The following CCR9 variants were observed in gnomAD, a reference collection of about 807,000 sequenced individuals.
The protein encoded by CCR9 is C-C chemokine receptor type 9.
In CCR9, 4 loss-of-function variants were observed where a neutral mutation model predicts 8.7. The ratio of observed to expected loss-of-function variants is 0.46; its 90% confidence interval spans 0.23 to 1.06. CCR9 has a LOEUF of 1.06. Among genes scored for constraint, CCR9 ranks in the 50% least tolerant of loss-of-function variants. The pLI is 0.21. For missense variants in CCR9, 394 were observed against 453.6 expected, an observed-to-expected ratio of 0.87 and a Z score of 1.19; for synonymous variants, 159 against 168.8, an observed-to-expected ratio of 0.94 and a Z score of 0.45.
At chr3:45,897,667 C>G in intron 2 of CCR9, 1 of 1,431,700 alleles carries the variant, frequency 7.0e-7, no homozygotes, top group Non-Finnish European at 9.4e-7. Context: ...GCTGGCCTTC[C>G]CACCTGCCCC....
At chr3:45,890,670 G>GA (rs1702150009) in intron 1 of CCR9, among the ~76,000 whole-genome samples, 1 of 152,022 alleles carries the variant, frequency 6.6e-6, no homozygotes, top group Non-Finnish European at 1.5e-5. Flanking sequence ...ACTGCCTGGG[G>GA]AAAGTTCTTG....
rs1235889741 is a variant in CCR9, at chr3:45,901,247, A to T, written c.459A>T (p.Arg153Ser). ...ACATTGCCATTGCCCAGGCCATGAG[A>T]GCACATACTTGGAGGGAGAAAAGGC... ...DRYIAIAQAM[R>S]AHTWREKRLL... Residue 153 changes from arginine (R) to serine (S), a missense_variant, in exon 3 of 3, where the codon AGA becomes AGT. Transcript: ENST00000357632. This position sits in a 1 kb window ranked among gnomAD's most constrained non-coding sequence, Gnocchi z 4.3. 1 of 1,614,064 alleles carries T rather than the reference A, an allele frequency of 6.2e-7. No individual in the cohort carries two copies. The highest frequency in any genetic ancestry group is 2.2e-5 in the East Asian group (1 of 44,896).
intron 1 of CCR9, among the ~76,000 whole-genome samples, chr3:45,886,960 C>G (rs143416057): frequency 6.6e-6 from 1 of 152,186 alleles, no homozygotes; most frequent in African/African-American, 2.4e-5. Flanking sequence ...AGATGGTGGC[C>G]AGGGGTAAAG....
chr3:45,899,341 T>C (rs940646993), intron 2 of CCR9, among the ~76,000 whole-genome samples: 1 of 152,170 alleles, frequency 6.6e-6, no homozygotes, highest in African/African-American at 2.4e-5. Flanking sequence ...CTACTAGAAA[T>C]AGATGGATAT....
At chr3:45,887,238 A>G (rs6441931) in intron 1 of CCR9, among the ~76,000 whole-genome samples, 29,597 of 138,048 alleles carry the variant, frequency 0.21, 3,093 homozygotes, top group East Asian at 0.31. Flanking sequence ...CTTTCTATTA[A>G]GTGCGTGTGT....
rs1702607781 is a variant in CCR9 at position 45,903,065 on chromosome 3, A to G, written c.*1167A>G. On this transcript the variant is annotated 3_prime_UTR_variant, in exon 3 of 3. Transcript: ENST00000357632. ...TGCATCACCTTTGAAAATATTTCAC[A>G]TATTGGAAAAGTGCTTTTTAATGTG... 1 of 167,110 alleles carries G rather than the reference A, an allele frequency of 6.0e-6. No homozygotes were observed. Among genetic ancestry groups the G allele is most frequent in the South Asian group, 2.1e-4 (1 of 4,834 alleles). 10.4% of individuals were successfully genotyped at this position (167,110 alleles called of 1,614,324 possible). A position where few individuals can be genotyped will look rare whatever the true frequency, so the allele number is the denominator to read the frequency against.
At chr3:45,892,091 A>T (rs1292596451) in intron 1 of CCR9, among the ~76,000 whole-genome samples, 1 of 152,120 alleles carries the variant, frequency 6.6e-6, no homozygotes, top group African/African-American at 2.4e-5. Flanking sequence ...AGATTCCAAG[A>T]TCAGGGCACT....
rs1702572232 is a variant in CCR9 at position 45,901,870 on chromosome 3, A to T, written c.1082A>T (p.Glu361Val). ...TTGAAGCTGTCGTCTATGTTGCTGG[A>T]GACAACCTCAGGAGCACTCTCCCTC... ...GSLKLSSMLLETTSGALSL is the reference protein window; with the variant it reads ...GSLKLSSMLLVTTSGALSL The change falls in exon 3 of 3, where the codon GAG becomes GTG. Residue 361 changes from glutamate (E) to valine (V), a missense_variant. Transcript: ENST00000357632. This position sits in a 1 kb window ranked among gnomAD's most constrained non-coding sequence, Gnocchi z 4.3. 1.9e-6 allele frequency: 3 copies of T among 1,607,016 alleles called. No homozygotes were observed. The highest frequency in any genetic ancestry group is 2.6e-6 in the Non-Finnish European group (3 of 1,174,702).
chr3:45,898,932 C>A (rs1232398649), intron 2 of CCR9, among the ~76,000 whole-genome samples: 1 of 152,180 alleles, frequency 6.6e-6, no homozygotes, highest in Admixed American at 6.5e-5. Flanking sequence ...CTTTCGGAGG[C>A]CAAAGTGGGT....
Position 45,901,672 on chromosome 3 carries a change from T to G in CCR9, c.884T>G (p.Ile295Ser), listed in dbSNP as rs1175259857. ...FISNCAVSTN[I>S]DICFQVTQTI... ...TCCAACTGTGCCGTTTCCACCAACA[T>G]TGACATCTGCTTCCAGGTCACCCAG... The change falls in exon 3 of 3, where the codon ATT becomes AGT. Residue 295 changes from isoleucine (I) to serine (S), a missense_variant. Physicochemically the swap from Ile to Ser is moderately radical, Grantham distance 142. Transcript: ENST00000357632. The surrounding 1 kb of genome is among the most constrained non-coding windows in gnomAD (Gnocchi z 4.3). 6.2e-7 allele frequency: 1 copy of G among 1,613,880 alleles called. No homozygotes were observed. The highest frequency in any genetic ancestry group is 8.5e-7 in the Non-Finnish European group (1 of 1,179,834).
Position 45,901,836 on chromosome 3 carries a change from G to A in CCR9, c.1048G>A (p.Glu350Lys), listed in dbSNP as rs554786336. ...QAQWVSFTRR[E>K]GSLKLSSMLL... ...CCAGTGGGTTTCATTTACAAGGAGA[G>A]AGGGAAGCTTGAAGCTGTCGTCTAT... The change falls in exon 3 of 3, where the codon GAG (glutamate) becomes AAG (lysine). Residue 350 changes from glutamate to lysine, a missense_variant. Transcript: ENST00000357632. The surrounding 1 kb of genome is among the most constrained non-coding windows in gnomAD (Gnocchi z 4.3). 5 of 1,613,206 alleles carry A rather than the reference G, an allele frequency of 3.1e-6. No individual in the cohort carries two copies. In the African/African-American group the frequency reaches 5.3e-5, roughly 17 times the overall value.
chr3:45,886,393 T>G (rs914876654), upstream of CCR9: 1 of 152,292 alleles, frequency 6.6e-6, no homozygotes, highest in African/African-American at 2.4e-5. Context: ...GTTTTCAGCT[T>G]TTTGTTTCTG....
At position 45,899,115 on chromosome 3, in the gene CCR9, G is replaced by C. The variant is rs112429621; in HGVS notation, c.22-1695G>C. Among the ~76,000 whole-genome samples, 1,364 of 152,336 alleles carry C rather than the reference G, an allele frequency of 9.0e-3. 20 individuals are homozygous for C. Among genetic ancestry groups the C allele is most frequent in the African/African-American group, 0.031 (1,292 of 41,576 alleles). ...TGGGAGGCGGAGGTTGCAGTGAGCC[G>C]AGATGGCGCCATTGCACTCCAGCCT... On this transcript the variant is annotated intron_variant, in intron 2 of 2. Coordinates refer to ENST00000357632, the MANE Select transcript of CCR9 (RefSeq NM_031200.3).
chr3:45,898,239 C>T (rs1389851439), intron 2 of CCR9, among the ~76,000 whole-genome samples: 2 of 152,158 alleles, frequency 1.3e-5, no homozygotes, highest in African/African-American at 2.4e-5. Context: ...TCCACTCAAA[C>T]CTCACCTCCT....
At chr3:45,886,965 G>A (rs559683997) in intron 1 of CCR9, among the ~76,000 whole-genome samples, 1 of 152,296 alleles carries the variant, frequency 6.6e-6, no homozygotes, top group South Asian at 2.1e-4. Flanking sequence ...GTGGCCAGGG[G>A]TAAAGGACAC....
chr3:45,888,692 T>C (rs28370390), intron 1 of CCR9, among the ~76,000 whole-genome samples: 2 of 152,098 alleles, frequency 1.3e-5, no homozygotes, highest in Non-Finnish European at 2.9e-5. Flanking sequence ...TGTGGGATTT[T>C]CCCCCCTATA....
intron 2 of CCR9, among the ~76,000 whole-genome samples, chr3:45,895,342 CATA>C (rs1702318629): frequency 6.6e-6 from 1 of 152,192 alleles, no homozygotes; most frequent in Non-Finnish European, 1.5e-5. Flanking sequence ...GTATTTCTTG[CATA>C]ACATTATGTA....
chr3:45,890,289 T>G (rs568300868), intron 1 of CCR9, among the ~76,000 whole-genome samples: 2 of 117,564 alleles, frequency 1.7e-5, no homozygotes, highest in African/African-American at 7.1e-5. Context: ...TATATTTATA[T>G]AAATATATAT....
chr3:45,890,317 T>TATATATAACATATATA (rs1314296937), intron 1 of CCR9, among the ~76,000 whole-genome samples: 2 of 61,368 alleles, frequency 3.3e-5, no homozygotes, highest in Non-Finnish European at 5.7e-5. Context: ...ATATATATAT[T>TATATATAACATATATA]TATATAAATA....
Sources: gnomAD v4.1 joint callset for allele counts (sites outside exome capture counted in the v4.1 genomes callset) on GRCh38, gnomAD v4.1.1 for gene constraint, Gnocchi (gnomAD v3.1) non-coding constraint, MANE v1.5 for transcripts, NCBI Gene and HGNC (gene_info 2026-07-23, HGNC 2026-07-21) for gene names.